The following CLCNKA variants were observed in gnomAD, a reference collection of about 807,000 sequenced individuals.
CLCNKA encodes the protein chloride channel protein ClC-Ka.
Under a neutral mutation model 83.3 loss-of-function variants are expected in CLCNKA, and 66 were observed. The ratio of observed to expected loss-of-function variants is 0.79; its 90% confidence interval spans 0.65 to 0.97. The LOEUF (loss-of-function observed/expected upper bound fraction) is 0.97. Ranked by LOEUF, CLCNKA falls within the 50% of genes least tolerant of loss-of-function variation. CLCNKA has a pLI of 0.00. For synonymous variants in CLCNKA, 357 were observed against 370.4 expected (o/e 0.96, Z 0.42); for missense variants, 806 against 888.7 (o/e 0.91, Z 1.18).
In CLCNKA at chr1:16,027,354, C is replaced by T. The variant is rs147305058; in HGVS notation, c.700C>T (p.Arg234Trp). ...IEVMSSHFSV[R>W]DYWRGFFAAT... ...GGTCATGTCTTCCCACTTCTCTGTC[C>T]GGGATTACTGGAGGGGCTTCTTTGC... Residue 234 changes from arginine (R) to tryptophan (W), a missense_variant, in exon 8 of 20, where the codon CGG (arginine) becomes TGG (tryptophan). Arg to Trp is a moderately radical substitution (Grantham distance 101). Transcript: ENST00000331433. The T allele has an allele frequency of 9.4e-5, 152 of 1,613,652 alleles. 1 individual carries two copies. Among genetic ancestry groups the T allele is most frequent in the South Asian group, 2.7e-4 (25 of 91,068 alleles).
Position 16,027,893 on chromosome 1 carries a change from T to C in CLCNKA, c.854T>C (p.Phe285Ser), listed in dbSNP as rs760341738. ...TTCGACCTGCCTGAGATCTTCTTTTTTGTGGCGCTGGGGTGAGTGGGTGCC... is the reference window on the plus strand; with the variant it reads ...TTCGACCTGCCTGAGATCTTCTTTTCTGTGGCGCTGGGGTGAGTGGGTGCC... ...VPFDLPEIFF[F>S]VALGGICGVL... is the part of the protein sequence containing the mutation. Residue 285 changes from phenylalanine to serine, a missense_variant, in exon 9 of 20, where the codon TTT becomes TCT. Physicochemically the swap from Phe to Ser is radical, Grantham distance 155 (BLOSUM62 -2). Transcript: ENST00000331433. 4 of 1,613,860 alleles carry C rather than the reference T, an allele frequency of 2.5e-6. No homozygotes were observed. Among genetic ancestry groups the C allele is most frequent in the Admixed American group, 3.3e-5 (2 of 59,962 alleles).
intron 12 of CLCNKA, 38 bp from the exon 13 acceptor site, chr1:16,029,693 G>A (rs138144156): frequency 3.0e-5 from 49 of 1,612,526 alleles, no homozygotes; most frequent in East Asian, 8.9e-5. Flanking sequence ...CTTGCCCAGC[G>A]GCCTCTAACC....
chr1:16,026,335 A>G, intron 5 of CLCNKA, 88 bp downstream of exon 5: 6 of 1,542,354 alleles, frequency 3.9e-6, no homozygotes, highest in Non-Finnish European at 4.4e-6. Context: ...GCTGGGTCAG[A>G]GCAGACTCAG....
At chr1:16,022,807 A>C in intron 2 of CLCNKA, 88 bp downstream of exon 2, 1 of 929,792 alleles carries the variant, frequency 1.1e-6, no homozygotes, top group East Asian at 2.8e-5. Flanking sequence ...CTGCCCAGGA[A>C]CCACCCTCCT....
chr1:16,029,528 G>C (rs2022525511), intron 12 of CLCNKA, among the ~76,000 whole-genome samples: 1 of 152,194 alleles, frequency 6.6e-6, no homozygotes, highest in Non-Finnish European at 1.5e-5. Flanking sequence ...AAGGAAGAAA[G>C]GAATGTACCT....
Position 16,028,818 on chromosome 1 carries a change from T to A in CLCNKA, c.1026T>A (p.Pro342=). The A allele has an allele frequency of 1.2e-6, 2 of 1,613,684 alleles. No homozygotes were observed. The highest frequency in any genetic ancestry group is 1.7e-6 in the Non-Finnish European group (2 of 1,180,014). The change falls in exon 11 of 20, where the codon CCT becomes CCA. Residue 342 remains proline (P), a synonymous_variant. Coordinates refer to ENST00000331433, the MANE Select transcript of CLCNKA (RefSeq NM_004070.4). ...TLLLASITYP[P]GVGHFLASRL... ...TTCTCGCCTCCATCACCTACCCGCC[T>A]GGTGTGGGCCACTTCCTAGCTTCTC...
At chr1:16,032,148 C>G (rs1254475981) in intron 16 of CLCNKA, 55 bp from the exon 17 acceptor site, 3 of 1,538,658 alleles carry the variant, frequency 1.9e-6, no homozygotes, top group Non-Finnish European at 2.7e-6. Context: ...AAGCTTGGCC[C>G]TCAGGCCTGT....
chr1:16,033,045 G>A (rs372474035), intron 18 of CLCNKA, 125 bp from the exon 19 acceptor site: 1 of 1,009,768 alleles, frequency 9.9e-7, no homozygotes, highest in Non-Finnish European at 1.6e-6. Flanking sequence ...GCAGGCCTGG[G>A]TCTGTTGCCT....
intron 2 of CLCNKA, among the ~76,000 whole-genome samples, chr1:16,023,438 G>T (rs1228001969): frequency 1.1e-4 from 17 of 152,330 alleles, no homozygotes; most frequent in Non-Finnish European, 2.1e-4. Context: ...AGAGTGGACA[G>T]GTCAAAGGCC....
rs551638915 is a variant in CLCNKA, at chr1:16,027,900, G to A, written c.861G>A (p.Ala287=). The part of the protein sequence containing the change: ...FDLPEIFFFV[A]LGGICGVLSC... ...TGCCTGAGATCTTCTTTTTTGTGGC[G>A]CTGGGGTGAGTGGGTGCCTTGGGCC... Residue 287 remains alanine, a synonymous_variant, in exon 9 of 20, where the codon GCG becomes GCA. Coordinates refer to ENST00000331433, the MANE Select transcript of CLCNKA (RefSeq NM_004070.4). 2.4e-5 allele frequency: 38 copies of A among 1,613,574 alleles called. No individual in the cohort carries two copies. The highest frequency in any genetic ancestry group is 2.1e-4 in the South Asian group (19 of 91,050).
At chr1:16,032,364 A>T (rs1363450281) in intron 17 of CLCNKA, 73 bp downstream of exon 17, 10 of 1,545,752 alleles carry the variant, frequency 6.5e-6, no homozygotes, top group Non-Finnish European at 8.9e-6. Flanking sequence ...GGACCCGCTG[A>T]TCTCCTGAGG....
chr1:16,028,460 GCCCGC>G (rs1213570486), intron 10 of CLCNKA: 2 of 615,508 alleles, frequency 3.2e-6, no homozygotes, highest in Non-Finnish European at 5.9e-6. Context: ...GATGCACATG[GCCCGC>G]CCCGGCCCGG....
At position 16,028,020 on chromosome 1, in the gene CLCNKA, G is replaced by C. The variant is rs754018221; in HGVS notation, c.869G>C (p.Gly290Ala). 1.9e-6 allele frequency: 3 copies of C among 1,613,914 alleles called. No individual in the cohort carries two copies. Among genetic ancestry groups the C allele is most frequent in the Admixed American group, 3.3e-5 (2 of 59,920 alleles). ...PEIFFFVALGGICGVLSCAYL... is the reference protein window; with the variant it reads ...PEIFFFVALGAICGVLSCAYL... The stretch of plus-strand genomic sequence containing the variant: ...TCTTACCTCCCTTCACCCCGCAGTG[G>C]CATCTGCGGCGTCCTGAGCTGTGCT... Residue 290 changes from glycine (G) to alanine (A), a missense_variant and splice_region_variant, in exon 10 of 20, where the codon GGC (glycine) becomes GCC (alanine). By Grantham distance (60) the Gly-to-Ala change is moderately conservative (BLOSUM62 0). Coordinates refer to ENST00000331433, the MANE Select transcript of CLCNKA (RefSeq NM_004070.4).
intron 7 of CLCNKA, chr1:16,027,044 A>C: frequency 1.5e-6 from 1 of 649,110 alleles, no homozygotes; most frequent in East Asian, 2.7e-5. Context: ...CTCTGAGCGC[A>C]GCTTCCTCCT....
chr1:16,026,315 C>T, intron 5 of CLCNKA, 68 bp downstream of exon 5: 1 of 1,263,702 alleles, frequency 7.9e-7, no homozygotes. Flanking sequence ...CTCCCCCATA[C>T]CCCACCAAAG....
At chr1:16,030,797 G>A (rs2022593099) in intron 15 of CLCNKA, 123 bp downstream of exon 15, 5 of 1,334,458 alleles carry the variant, frequency 3.7e-6, no homozygotes, top group South Asian at 1.2e-5. Context: ...GGCTGGGAGG[G>A]GCTGACACAC....
Position 16,029,014 on chromosome 1 carries a change from C to A in CLCNKA, c.1054-112C>A. The A allele has an allele frequency of 2.0e-6, 3 of 1,534,998 alleles. No homozygotes were observed. In the South Asian group the frequency reaches 3.4e-5, roughly 18 times the overall value. ...GGTCAGAGCCCTGCCCAAGGCCCCCCGCTGGGAAGTGGCAGGGGAGGATTC... is the reference window on the plus strand; with the variant it reads ...GGTCAGAGCCCTGCCCAAGGCCCCCAGCTGGGAAGTGGCAGGGGAGGATTC... On this transcript the variant is annotated intron_variant, in intron 11 of 19. Transcript: ENST00000331433.
chr1:16,024,024 G>A (rs1456704193), intron 3 of CLCNKA, 96 bp downstream of exon 3: 14 of 1,475,664 alleles, frequency 9.5e-6, no homozygotes, highest in African/African-American at 1.4e-5. Flanking sequence ...GTGCAGGGAC[G>A]GACCTGGGTG....
intron 4 of CLCNKA, among the ~76,000 whole-genome samples, chr1:16,025,399 G>A (rs2022306607): frequency 6.6e-6 from 1 of 152,210 alleles, no homozygotes; most frequent in Non-Finnish European, 1.5e-5. Context: ...AGGACTAGGT[G>A]CAGTGACTCA....
Sources: allele counts gnomAD v4.1 joint callset (sites outside exome capture counted in the v4.1 genomes callset), GRCh38; gene constraint gnomAD v4.1.1; transcripts MANE v1.5; gene names NCBI Gene and HGNC (gene_info 2026-07-23, HGNC 2026-07-21).